CNTN4: variants seen among roughly 807,000 people sequenced by gnomAD.
The protein encoded by CNTN4 is contactin-4.
A neutral mutation model predicts 122.5 loss-of-function variants in CNTN4; 77 were observed. That is an observed-to-expected ratio of 0.63 (90% CI 0.52 to 0.76). CNTN4 has a LOEUF of 0.76. CNTN4 is among the 30% of genes least tolerant of loss of function. The pLI is 0.00. For synonymous variants in CNTN4, 512 were observed against 447.0 expected, an observed-to-expected ratio of 1.15 and a Z score of -1.83; for missense variants, 1,256 against 1,259.1, an observed-to-expected ratio of 1.00 and a Z score of 0.04.
At chr3:2,503,520 C>T (rs1391650711) in intron 3 of CNTN4, among the ~76,000 whole-genome samples, 2 of 152,058 alleles carry the variant, frequency 1.3e-5, no homozygotes, top group Non-Finnish European at 2.9e-5. Context: ...ATATCATCTG[C>T]AAGATAAGTA....
chr3:2,868,257 C>T (rs2093746281), intron 8 of CNTN4, among the ~76,000 whole-genome samples: 2 of 152,134 alleles, frequency 1.3e-5, no homozygotes, highest in Admixed American at 1.3e-4. Flanking sequence ...TTTTCTTTTG[C>T]AGACGGGGAA....
At chr3:2,616,435 A>G (rs955235631) in intron 4 of CNTN4, among the ~76,000 whole-genome samples, 1 of 152,192 alleles carries the variant, frequency 6.6e-6, no homozygotes, top group Non-Finnish European at 1.5e-5. Context: ...GCTGAAATAA[A>G]CATACATGTG....
chr3:2,571,850 C>G (rs2079435189), intron 4 of CNTN4, among the ~76,000 whole-genome samples: 1 of 152,066 alleles, frequency 6.6e-6, no homozygotes, highest in African/African-American at 2.4e-5. Flanking sequence ...ATCCCAGTGC[C>G]CAGTTGCACA....
chr3:2,676,156 T>G (rs1172010174), intron 4 of CNTN4, among the ~76,000 whole-genome samples: 1 of 152,296 alleles, frequency 6.6e-6, no homozygotes, highest in East Asian at 1.9e-4. Context: ...AATATTTTAC[T>G]TATGTTTAGA....
intron 2 of CNTN4, among the ~76,000 whole-genome samples, chr3:2,101,776 A>T (rs1026786528): frequency 2.0e-5 from 3 of 152,238 alleles, no homozygotes; most frequent in East Asian, 1.9e-4. Flanking sequence ...AACAAAAAAG[A>T]TGAATAAAGC....
intron 3 of CNTN4, among the ~76,000 whole-genome samples, chr3:2,560,485 G>C (rs1423956050): frequency 3.9e-5 from 6 of 152,066 alleles, no homozygotes; most frequent in Non-Finnish European, 7.4e-5. Context: ...TTCCTTCTAA[G>C]TAAAACAACA....
intron 5 of CNTN4, among the ~76,000 whole-genome samples, chr3:2,739,926 T>G (rs2089361480): frequency 6.6e-6 from 1 of 152,248 alleles, no homozygotes; most frequent in African/African-American, 2.4e-5. Context: ...TTACTTTCCT[T>G]CTAATATAGA....
intron 2 of CNTN4, among the ~76,000 whole-genome samples, chr3:2,142,960 C>T (rs1041829744): frequency 6.6e-6 from 1 of 152,300 alleles, no homozygotes; most frequent in South Asian, 2.1e-4. Context: ...TCTGAAGGAG[C>T]AAAATGAGTG....
At chr3:2,537,656 C>G (rs1168868753) in intron 3 of CNTN4, among the ~76,000 whole-genome samples, 2 of 152,114 alleles carry the variant, frequency 1.3e-5, no homozygotes, top group Non-Finnish European at 2.9e-5. Flanking sequence ...ATCCTTACCA[C>G]TAGCTACTCT....
At chr3:3,023,116 TA>T (rs1574849866) in intron 14 of CNTN4, among the ~76,000 whole-genome samples, 1 of 152,142 alleles carries the variant, frequency 6.6e-6, no homozygotes, top group Non-Finnish European at 1.5e-5. Flanking sequence ...ATTAATCAAG[TA>T]AAAAACATCA....
intron 13 of CNTN4, among the ~76,000 whole-genome samples, chr3:2,952,945 T>A (rs1242115908): frequency 6.6e-6 from 1 of 152,154 alleles, no homozygotes; most frequent in Non-Finnish European, 1.5e-5. Flanking sequence ...CTTGTATAAA[T>A]CTCCCCCAAA....
intron 3 of CNTN4, among the ~76,000 whole-genome samples, chr3:2,390,290 T>C (rs1038820176): frequency 6.6e-6 from 1 of 151,176 alleles, no homozygotes; most frequent in East Asian, 1.9e-4. Context: ...TGTAGTAAAA[T>C]GTTAAATTTT....
At chr3:2,798,366 A>ATCTATCTATCT (rs57013365) in intron 6 of CNTN4, among the ~76,000 whole-genome samples, 4,695 of 135,428 alleles carry the variant, frequency 0.035, 128 homozygotes, top group Middle Eastern at 0.06. Flanking sequence ...TACACACATA[A>ATCTATCTATCT]ATCTATCTAT....
chr3:2,822,364 G>A (rs547144276), intron 7 of CNTN4, among the ~76,000 whole-genome samples: 10 of 152,246 alleles, frequency 6.6e-5, no homozygotes, highest in African/African-American at 2.4e-4. Context: ...AATCCCTATT[G>A]ATTCTATCAA....
In CNTN4 at chr3:2,980,020, A is replaced by G. The variant is rs181735616; in HGVS notation, c.1359-8325A>G. Among the ~76,000 whole-genome samples, 10 of 152,292 alleles carry G rather than the reference A, an allele frequency of 6.6e-5. No homozygotes were observed. In the East Asian group the frequency reaches 1.9e-3, roughly 29 times the overall value. ...GACCCCCCCAAAAGAAAAGATCAGC[A>G]TTTTTAAAGGTCCTGTGTCCCCAGA... On this transcript the variant is annotated intron_variant, in intron 13 of 24. Coordinates refer to ENST00000418658, the MANE Select transcript of CNTN4 (RefSeq NM_175607.3).
rs188961525 is a variant in CNTN4 at position 2,925,752 on chromosome 3, G to A, written c.1331G>A (p.Gly444Glu). ...AAACCTGTTTACACCTGGAAGAAAG[G>A]AAGGGATATATTAAAAGAAAATGAA... ...SPKPVYTWKKGRDILKENERI... is the reference protein window; with the variant it reads ...SPKPVYTWKKERDILKENERI... Residue 444 changes from glycine (G) to glutamate (E), a missense_variant, in exon 13 of 25, where the codon GGA becomes GAA. Physicochemically the swap from Gly to Glu is moderately conservative, Grantham distance 98. Transcript: ENST00000418658. 9 of 1,613,776 alleles carry A rather than the reference G, an allele frequency of 5.6e-6. No homozygotes were observed. Among genetic ancestry groups the A allele is most frequent in the Admixed American group, 3.3e-5 (2 of 60,006 alleles).
chr3:2,107,628 C>T (rs1417479934), intron 2 of CNTN4, among the ~76,000 whole-genome samples: 1 of 152,098 alleles, frequency 6.6e-6, no homozygotes, highest in Admixed American at 6.5e-5. Flanking sequence ...AGAACCAAAC[C>T]ATATCAGCTG....
At chr3:2,914,937 G>C (rs1030149467) in intron 12 of CNTN4, among the ~76,000 whole-genome samples, 19 of 152,120 alleles carry the variant, frequency 1.2e-4, no homozygotes, top group African/African-American at 4.3e-4. Flanking sequence ...ATGTCAAATT[G>C]GAATTATACC....
At chr3:2,162,438 G>T (rs1042514607) in intron 2 of CNTN4, among the ~76,000 whole-genome samples, 1 of 152,146 alleles carries the variant, frequency 6.6e-6, no homozygotes, top group Non-Finnish European at 1.5e-5. Context: ...TTGTTTTTGA[G>T]ATCTTTATTT....
Sources: gnomAD v4.1 joint callset for allele counts (sites outside exome capture counted in the v4.1 genomes callset) on GRCh38, gnomAD v4.1.1 for gene constraint, MANE v1.5 for transcripts, NCBI Gene and HGNC (gene_info 2026-07-23, HGNC 2026-07-21) for gene names.